CTIF: variants seen among roughly 807,000 people sequenced by gnomAD.
The protein encoded by CTIF is cap binding complex dependent translation initiation factor.
CTIF carries 21 observed loss-of-function variants against 66.0 expected under a neutral mutation model. The observed-to-expected ratio is 0.32, with a 90% CI of 0.23 to 0.46. The LOEUF (loss-of-function observed/expected upper bound fraction) is 0.46. Among genes scored for constraint, CTIF ranks in the 20% least tolerant of loss-of-function variants. CTIF has a pLI of 1.00. For synonymous variants in CTIF, 345 were observed against 326.4 expected, an observed-to-expected ratio of 1.06 and a Z score of -0.62; for missense variants, 739 against 812.7, an observed-to-expected ratio of 0.91 and a Z score of 1.10.
At chr18:48,581,262 C>T (rs1157698391) in intron 1 of CTIF, among the ~76,000 whole-genome samples, 4 of 151,674 alleles carry the variant, frequency 2.6e-5, no homozygotes, top group African/African-American at 4.8e-5. Flanking sequence ...ATTCCTGAGA[C>T]GTACCACGTC....
intron 9 of CTIF, among the ~76,000 whole-genome samples, chr18:48,780,541 C>T (rs191088540): frequency 6.6e-6 from 1 of 152,220 alleles, no homozygotes; most frequent in African/African-American, 2.4e-5. Flanking sequence ...GCACGTGGCA[C>T]ACGCACCTCT....
chr18:48,698,465 G>A (rs980111876), intron 6 of CTIF, among the ~76,000 whole-genome samples: 3 of 152,156 alleles, frequency 2.0e-5, no homozygotes, highest in East Asian at 3.9e-4. Flanking sequence ...CTCCTACCTC[G>A]GCCTCCCAAA....
intron 10 of CTIF, among the ~76,000 whole-genome samples, chr18:48,844,172 A>G (rs544694803): frequency 1.3e-5 from 2 of 152,370 alleles, no homozygotes; most frequent in African/African-American, 2.4e-5. Flanking sequence ...CAGTGAGCAC[A>G]GAAGAAGCTT....
At chr18:48,802,422 A>C (rs2068066793) in intron 9 of CTIF, among the ~76,000 whole-genome samples, 1 of 152,156 alleles carries the variant, frequency 6.6e-6, no homozygotes, top group Admixed American at 6.5e-5. Flanking sequence ...CCTGGAGGGA[A>C]GTGTAAGGCA....
intron 1 of CTIF, among the ~76,000 whole-genome samples, chr18:48,570,204 A>G (rs2089382555): frequency 6.6e-6 from 1 of 152,176 alleles, no homozygotes; most frequent in Admixed American, 6.5e-5. Context: ...TATAATCAGA[A>G]AAGCACACAT....
At chr18:48,654,643 TA>T in intron 3 of CTIF, among the ~76,000 whole-genome samples, 1 of 152,362 alleles carries the variant, frequency 6.6e-6, no homozygotes. Context: ...CAAAGGATTA[TA>T]AATCATGCTA....
chr18:48,807,403 C>A (rs1244751311), intron 9 of CTIF, among the ~76,000 whole-genome samples: 1 of 151,970 alleles, frequency 6.6e-6, no homozygotes, highest in African/African-American at 2.4e-5. Context: ...TCCATAATTC[C>A]GCTATTGAGA....
intron 5 of CTIF, among the ~76,000 whole-genome samples, chr18:48,667,388 G>C (rs1033916531): frequency 3.9e-5 from 6 of 152,174 alleles, no homozygotes; most frequent in African/African-American, 1.4e-4. Flanking sequence ...TCTGGGAAAG[G>C]CTTCAGGAGG....
At chr18:48,810,783 A>G (rs2068243566) in intron 9 of CTIF, among the ~76,000 whole-genome samples, 1 of 151,116 alleles carries the variant, frequency 6.6e-6, no homozygotes, top group Admixed American at 6.6e-5. Context: ...AGTCTATAAC[A>G]TTTTGTGTTA....
At chr18:48,626,183 G>A (rs949263072) in intron 2 of CTIF, among the ~76,000 whole-genome samples, 2 of 151,308 alleles carry the variant, frequency 1.3e-5, no homozygotes, top group African/African-American at 4.9e-5. Context: ...CGTATTTTTA[G>A]TAAAGATGGG....
chr18:48,597,977 G>A (rs1051919013), intron 1 of CTIF, among the ~76,000 whole-genome samples: 2 of 152,156 alleles, frequency 1.3e-5, no homozygotes, highest in Non-Finnish European at 2.9e-5. Flanking sequence ...GCAGGGCCTA[G>A]GATGGAGCCT....
At chr18:48,680,737 G>A in intron 6 of CTIF, among the ~76,000 whole-genome samples, 1 of 152,260 alleles carries the variant, frequency 6.6e-6, no homozygotes, top group Admixed American at 6.5e-5. Flanking sequence ...TTGCTTGCCG[G>A]TCCAGCATCT....
At chr18:48,666,997 G>A (rs868759656) in intron 5 of CTIF, among the ~76,000 whole-genome samples, 1 of 151,192 alleles carries the variant, frequency 6.6e-6, no homozygotes. Context: ...AATAGGAGCA[G>A]GATTTTGCTT....
At chr18:48,562,167 C>T (rs1599145600) in intron 1 of CTIF, among the ~76,000 whole-genome samples, 1 of 152,250 alleles carries the variant, frequency 6.6e-6, no homozygotes, top group Non-Finnish European at 1.5e-5. Context: ...ATTCTCACAG[C>T]ACTTGGCATG....
intron 7 of CTIF, among the ~76,000 whole-genome samples, chr18:48,724,198 G>A (rs968470086): frequency 7.9e-5 from 12 of 152,180 alleles, no homozygotes; most frequent in African/African-American, 2.7e-4. Flanking sequence ...TGGGCACCAG[G>A]ATTTAGGTCC....
At chr18:48,651,690 T>A (rs1908746748) in intron 3 of CTIF, among the ~76,000 whole-genome samples, 1 of 152,160 alleles carries the variant, frequency 6.6e-6, no homozygotes, top group African/African-American at 2.4e-5. Flanking sequence ...ATCGCACTTA[T>A]TCCAAAATTG....
At chr18:48,600,258 G>A (rs923097248) in intron 1 of CTIF, among the ~76,000 whole-genome samples, 11 of 152,110 alleles carry the variant, frequency 7.2e-5, no homozygotes, top group Non-Finnish European at 1.3e-4. Flanking sequence ...GTGACTTGGC[G>A]CTGGGGAGAC....
chr18:48,683,682 C>T (rs568397801), intron 6 of CTIF, among the ~76,000 whole-genome samples: 38 of 152,170 alleles, frequency 2.5e-4, no homozygotes, highest in Non-Finnish European at 4.1e-4. Flanking sequence ...TGCTCTCTCT[C>T]CAGAGTGAAA....
chr18:48,636,033 G>T (rs1179861340), intron 2 of CTIF, among the ~76,000 whole-genome samples: 1 of 152,218 alleles, frequency 6.6e-6, no homozygotes, highest in African/African-American at 2.4e-5. Context: ...AGACTCTGGG[G>T]ACTCTCGTGC....
Sources: gnomAD v4.1 joint callset for allele counts (sites outside exome capture counted in the v4.1 genomes callset) on GRCh38, gnomAD v4.1.1 for gene constraint, MANE v1.5 for transcripts, NCBI Gene and HGNC (gene_info 2026-07-23, HGNC 2026-07-21) for gene names.